Variants in NEK11 observed in about 807,000 individuals in gnomAD.
NEK11 encodes serine/threonine-protein kinase Nek11.
NEK11 carries 72 observed loss-of-function variants against 80.7 expected under a neutral mutation model. The ratio of observed to expected loss-of-function variants is 0.89; its 90% CI spans 0.74 to 1.08. The LOEUF (loss-of-function observed/expected upper bound fraction) is 1.08. Among genes scored for constraint, NEK11 ranks in the 50% least tolerant of loss-of-function variants. The probability of loss-of-function intolerance (pLI) is 0.00; values close to 1 mark genes in which losing one functional copy is unlikely to be tolerated. For synonymous variants in NEK11, 251 were observed against 260.7 expected, an observed-to-expected ratio of 0.96 and a Z score of 0.36; for missense variants, 764 against 763.6, an observed-to-expected ratio of 1.00 and a Z score of -0.01.
intron 17 of NEK11, among the ~76,000 whole-genome samples, chr3:131,279,251 G>A (rs1032461969): frequency 4.6e-5 from 7 of 152,000 alleles, no homozygotes; most frequent in Non-Finnish European, 8.8e-5. Flanking sequence ...TAGGGAAGGT[G>A]AGACAGGAGA....
Position 131,236,987 on chromosome 3 carries a change from C to G in NEK11, c.1561-6449C>G, listed in dbSNP as rs553136943. 6.6e-5 allele frequency among the ~76,000 whole-genome samples: 10 copies of G among 152,266 alleles called. No homozygotes were observed. In the South Asian group the frequency reaches 2.1e-3, roughly 32 times the overall value. On this transcript the variant is annotated intron_variant, in intron 15 of 17. Coordinates refer to ENST00000383366, the MANE Select transcript of NEK11 (RefSeq NM_024800.5). ...TGTAACTTAGTGACATTTTCCAGGG[C>G]TGTTCTGGACACCATTTGTGGGAGA...
chr3:131,338,345 T>A (rs2097228137), intron 17 of NEK11, among the ~76,000 whole-genome samples: 1 of 142,894 alleles, frequency 7.0e-6, no homozygotes, highest in East Asian at 2.1e-4. Flanking sequence ...ACACTGCTGG[T>A]GGGAATGCAA....
intron 3 of NEK11, among the ~76,000 whole-genome samples, chr3:131,036,009 G>A (rs2065579701): frequency 6.6e-6 from 1 of 152,168 alleles, no homozygotes. Flanking sequence ...AAGTTCAGAT[G>A]TGCATAAAGA....
chr3:131,121,728 T>C (rs2082411573), intron 5 of NEK11, among the ~76,000 whole-genome samples: 1 of 152,174 alleles, frequency 6.6e-6, no homozygotes, highest in South Asian at 2.1e-4. Context: ...TGCAGTTGGA[T>C]CTCAGACTGC....
At chr3:131,233,118 A>AGGAG (rs1161312166) in intron 15 of NEK11, among the ~76,000 whole-genome samples, 2 of 151,582 alleles carry the variant, frequency 1.3e-5, no homozygotes, top group Non-Finnish European at 2.9e-5. Context: ...AAGGTAGGGA[A>AGGAG]GGAGGGAGGG....
intron 10 of NEK11, among the ~76,000 whole-genome samples, chr3:131,157,551 G>A (rs997396021): frequency 6.6e-6 from 1 of 152,176 alleles, no homozygotes; most frequent in African/African-American, 2.4e-5. Flanking sequence ...GCATGAGGTA[G>A]GGGACAAGAT....
intron 3 of NEK11, among the ~76,000 whole-genome samples, chr3:131,070,744 C>A (rs1258946502): frequency 6.6e-6 from 1 of 152,088 alleles, no homozygotes; most frequent in Non-Finnish European, 1.5e-5. Flanking sequence ...CACTGAAGAT[C>A]TCTATACTAA....
Position 131,165,502 on chromosome 3 carries a change from A to C in NEK11, c.1159A>C (p.Ser387Arg). 6.2e-7 allele frequency: 1 copy of C among 1,609,914 alleles called. No homozygotes were observed. Among genetic ancestry groups the C allele is most frequent in the Non-Finnish European group, 8.5e-7 (1 of 1,176,208 alleles). Reference sequence around the variant, plus strand: ...GAGATCTCGGAACTTTCAGCAGCTGAGTGTTGATGTACTCCATGTAAGTAC... The same window carrying C: ...GAGATCTCGGAACTTTCAGCAGCTGCGTGTTGATGTACTCCATGTAAGTAC... The part of the protein sequence containing the change: ...ELRSRNFQQL[S>R]VDVLHEKTHL... The change falls in exon 12 of 18, where the codon AGT (serine) becomes CGT (arginine). Residue 387 changes from serine to arginine, a missense_variant. Coordinates refer to ENST00000383366, the MANE Select transcript of NEK11 (RefSeq NM_024800.5).
intron 3 of NEK11, among the ~76,000 whole-genome samples, chr3:131,071,953 C>T (rs571525662): frequency 3.9e-5 from 6 of 152,292 alleles, no homozygotes; most frequent in Admixed American, 1.3e-4. Flanking sequence ...ATAACTTTAT[C>T]ATTTGGGTTT....
intron 7 of NEK11, among the ~76,000 whole-genome samples, chr3:131,138,598 C>T (rs1032874925): frequency 4.6e-5 from 7 of 151,992 alleles, no homozygotes; most frequent in African/African-American, 1.2e-4. Context: ...GGGCCTTGGA[C>T]GAGACCTGGT....
At chr3:131,207,407 C>T (rs143797818) in intron 14 of NEK11, among the ~76,000 whole-genome samples, 87 of 152,196 alleles carry the variant, frequency 5.7e-4, no homozygotes, top group African/African-American at 8.4e-4. Context: ...CACGGTGAAA[C>T]GCTATCTCTA....
intron 7 of NEK11, among the ~76,000 whole-genome samples, chr3:131,143,645 T>C (rs1460901720): frequency 6.6e-6 from 1 of 152,100 alleles, no homozygotes; most frequent in East Asian, 1.9e-4. Context: ...GATTTACATA[T>C]ATGTTAAAGT....
intron 14 of NEK11, among the ~76,000 whole-genome samples, chr3:131,224,377 G>A (rs556988791): frequency 3.5e-4 from 53 of 151,994 alleles, no homozygotes; most frequent in African/African-American, 6.3e-4. Context: ...ACAGGTGTGC[G>A]CCACCACACC....
At chr3:131,247,012 A>T (rs73220520) in intron 16 of NEK11, among the ~76,000 whole-genome samples, 1 of 151,904 alleles carries the variant, frequency 6.6e-6, no homozygotes, top group Non-Finnish European at 1.5e-5. Flanking sequence ...TAGATTCTGA[A>T]TATTAGTGCT....
intron 5 of NEK11, among the ~76,000 whole-genome samples, chr3:131,128,131 A>G (rs940683873): frequency 2.0e-5 from 3 of 152,180 alleles, no homozygotes; most frequent in East Asian, 3.8e-4. Context: ...CCAGTCATAC[A>G]TTTGTTATAA....
Position 131,133,947 on chromosome 3 carries a change from C to G in NEK11, c.638C>G (p.Ser213Trp). ...AAACACCAAGGCTATGACACAAAGTCGGACATCTGGTGAGTGGGCTAGTGG... is the reference window on the plus strand; with the variant it reads ...AAACACCAAGGCTATGACACAAAGTGGGACATCTGGTGAGTGGGCTAGTGG... ...ALKHQGYDTK[S>W]DIWSLACILY... Residue 213 changes from serine (S) to tryptophan (W), a missense_variant, in exon 7 of 18, where the codon TCG (serine) becomes TGG (tryptophan). Physicochemically the swap from Ser to Trp is radical, Grantham distance 177. Coordinates refer to ENST00000383366, the MANE Select transcript of NEK11 (RefSeq NM_024800.5). 1 of 1,608,706 alleles carries G rather than the reference C, an allele frequency of 6.2e-7. No individual in the cohort carries two copies. Among genetic ancestry groups the G allele is most frequent in the Non-Finnish European group, 8.5e-7 (1 of 1,177,134 alleles).
At position 131,119,644 on chromosome 3, in the gene NEK11, C is replaced by G. The variant is rs918213984; in HGVS notation, c.455+9723C>G. On this transcript the variant is annotated intron_variant, in intron 5 of 17. Coordinates refer to ENST00000383366, the MANE Select transcript of NEK11 (RefSeq NM_024800.5). Reference sequence around the variant, plus strand: ...GTCTCTAAGGACTTGCTTTATGAATCTGGGTTCTCCTGTATTGGGTGTATA... The same window carrying G: ...GTCTCTAAGGACTTGCTTTATGAATGTGGGTTCTCCTGTATTGGGTGTATA... Among the ~76,000 whole-genome samples the G allele has an allele frequency of 1.3e-5, 2 of 152,158 alleles. 1 individual carries two copies. Among genetic ancestry groups the G allele is most frequent in the Middle Eastern group, 6.3e-3 (2 of 316 alleles).
chr3:131,132,551 CTTTA>C (rs1450892917), intron 5 of NEK11, among the ~76,000 whole-genome samples, 190 bp from the exon 6 acceptor site: 1 of 151,934 alleles, frequency 6.6e-6, no homozygotes, highest in Non-Finnish European at 1.5e-5. Context: ...CCTTTAAAAT[CTTTA>C]TTTTAAAACT....
intron 16 of NEK11, among the ~76,000 whole-genome samples, chr3:131,256,798 G>T (rs891411852): frequency 1.3e-5 from 2 of 152,068 alleles, no homozygotes; most frequent in Non-Finnish European, 2.9e-5. Flanking sequence ...GACTCACACA[G>T]CTGGCCTCAG....
Sources: allele counts gnomAD v4.1 joint callset (sites outside exome capture counted in the v4.1 genomes callset), GRCh38; gene constraint gnomAD v4.1.1; transcripts MANE v1.5; gene names NCBI Gene and HGNC (gene_info 2026-07-23, HGNC 2026-07-21).